Variants in CA1 observed in about 807,000 individuals in gnomAD.
The protein encoded by CA1 is carbonate dehydratase I.
In CA1, 27 loss-of-function variants were observed where a neutral mutation model predicts 28.8. The observed-to-expected ratio is 0.94, with a 90% confidence interval of 0.69 to 1.29. CA1 has a LOEUF of 1.29. Ranked by LOEUF, CA1 falls within the 50% of genes most tolerant of loss-of-function variation. The probability of loss-of-function intolerance (pLI) is 0.00; values close to 1 mark genes in which losing one functional copy is unlikely to be tolerated. For synonymous variants in CA1, 121 were observed against 108.8 expected, an observed-to-expected ratio of 1.11 and a Z score of -0.70; for missense variants, 335 against 310.5, an observed-to-expected ratio of 1.08 and a Z score of -0.59.
intron 6 of CA1, among the ~76,000 whole-genome samples, chr8:85,331,450 AATTT>A (rs57623488): frequency 3.3e-5 from 5 of 150,802 alleles, no homozygotes; most frequent in Admixed American, 2.0e-4. Flanking sequence ...TTCTTTTCAA[AATTT>A]ATTTATTTAT....
At chr8:85,338,632 T>TTTCTTTC (rs1808766644) in intron 2 of CA1, among the ~76,000 whole-genome samples, 183 bp from the exon 3 acceptor site, 2 of 131,574 alleles carry the variant, frequency 1.5e-5, no homozygotes, top group African/African-American at 5.9e-5. Flanking sequence ...CTTTCCTTCT[T>TTTCTTTC]TTTCTTTCTT....
chr8:85,328,026 AT>A lies in CA1; in HGVS notation c.*533del, dbSNP rs1207137165. The A allele has an allele frequency of 6.5e-6, 1 of 153,182 alleles. No homozygotes were observed. Among genetic ancestry groups the A allele is most frequent in the Non-Finnish European group, 1.5e-5 (1 of 68,780 alleles). 9.5% of individuals were successfully genotyped at this position (153,182 alleles called of 1,614,324 possible). On this transcript the variant is annotated 3_prime_UTR_variant, in exon 8 of 8. Transcript: ENST00000523022. Reference sequence around the variant, plus strand: ...CAAATGGTAGCAATGTTGGGCCAGCATAACGATATTAAATCCAGTGGTCATC... The same window carrying A: ...CAAATGGTAGCAATGTTGGGCCAGCAAACGATATTAAATCCAGTGGTCATC...
Position 85,328,670 on chromosome 8 carries a change from G to T in CA1, c.676C>A (p.Gln226Lys), listed in dbSNP as rs762656239. 1.6e-5 allele frequency: 26 copies of T among 1,593,472 alleles called. No homozygotes were observed. Among genetic ancestry groups the T allele is most frequent in the Non-Finnish European group, 2.1e-5 (25 of 1,163,104 alleles). ...ACATTTGATAGAAGGCTGCGGAATT[G>T]TGCCAGCTAGAAGGATAAAATATTT... is the stretch of plus-strand genomic sequence containing the variant. Reference protein sequence around the residue: ...SISVSSEQLAQFRSLLSNVEG... With the variant: ...SISVSSEQLAKFRSLLSNVEG... The change falls in exon 8 of 8, where the codon CAA (glutamine) becomes AAA (lysine). Residue 226 changes from glutamine (Q) to lysine (K), a missense_variant. Physicochemically the swap from Gln to Lys is moderately conservative, Grantham distance 53 (BLOSUM62 1). Transcript: ENST00000523022.
intron 1 of CA1, among the ~76,000 whole-genome samples, chr8:85,357,292 G>T (rs972303015): frequency 6.6e-6 from 1 of 152,160 alleles, no homozygotes; most frequent in African/African-American, 2.4e-5. Flanking sequence ...TCAACACAAA[G>T]GCAACGTGTC....
chr8:85,339,304 A>G (rs1808817265), intron 2 of CA1, among the ~76,000 whole-genome samples: 1 of 152,162 alleles, frequency 6.6e-6, no homozygotes, highest in African/African-American at 2.4e-5. Flanking sequence ...AATTCTCACA[A>G]TATTTTAAAC....
intron 1 of CA1, among the ~76,000 whole-genome samples, chr8:85,344,442 T>C (rs1444268953): frequency 2.0e-5 from 3 of 149,648 alleles, no homozygotes; most frequent in African/African-American, 7.3e-5. Context: ...TATTTTTTAG[T>C]ACCCTAAAAT....
At chr8:85,366,644 T>C (rs1585965453) in intron 1 of CA1, among the ~76,000 whole-genome samples, 1 of 151,988 alleles carries the variant, frequency 6.6e-6, no homozygotes, top group East Asian at 1.9e-4. Context: ...TTAACAAGAG[T>C]AATTGGAAAT....
In CA1 at chr8:85,328,677, C is replaced by A. The variant is rs1250379642; in HGVS notation, c.670-1G>T. 1.3e-6 allele frequency: 2 copies of A among 1,571,548 alleles called. No individual in the cohort carries two copies. Among genetic ancestry groups the A allele is most frequent in the Non-Finnish European group, 8.7e-7 (1 of 1,143,686 alleles). On this transcript the variant is annotated splice_acceptor_variant, in intron 7 of 7. Coordinates refer to ENST00000523022, the MANE Select transcript of CA1 (RefSeq NM_001128831.4). LOFTEE classifies it high-confidence loss of function. ...ATAGAAGGCTGCGGAATTGTGCCAG[C>A]TAGAAGGATAAAATATTTTAAAAAT...
chr8:85,338,095 G>T, intron 3 of CA1, 157 bp downstream of exon 3: 1 of 754,138 alleles, frequency 1.3e-6, no homozygotes. Flanking sequence ...TTACCACCTG[G>T]GCGTTTTCCA....
intron 1 of CA1, among the ~76,000 whole-genome samples, chr8:85,371,146 G>A (rs1810209037): frequency 6.6e-6 from 1 of 152,094 alleles, no homozygotes; most frequent in Non-Finnish European, 1.5e-5. Context: ...CAACTCCAAT[G>A]ACTCTTCATC....
intron 4 of CA1, among the ~76,000 whole-genome samples, chr8:85,335,533 C>A (rs910941281): frequency 2.6e-5 from 4 of 152,140 alleles, no homozygotes; most frequent in African/African-American, 9.7e-5. Flanking sequence ...TACTTGCATT[C>A]TTAAGCAACA....
At chr8:85,365,630 A>T (rs149538792) in intron 1 of CA1, among the ~76,000 whole-genome samples, 5 of 152,346 alleles carry the variant, frequency 3.3e-5, no homozygotes, top group Admixed American at 6.5e-5. Flanking sequence ...AAATTTATAA[A>T]TGGTTGATTC....
At chr8:85,354,263 C>T (rs1345663456) in intron 1 of CA1, among the ~76,000 whole-genome samples, 1 of 150,536 alleles carries the variant, frequency 6.6e-6, no homozygotes, top group Non-Finnish European at 1.5e-5. Context: ...GTGTGAGCTA[C>T]TGTGCCTGGC....
chr8:85,352,929 A>G (rs561577889), intron 1 of CA1, among the ~76,000 whole-genome samples: 87 of 152,236 alleles, frequency 5.7e-4, no homozygotes, highest in Non-Finnish European at 1.0e-3. Flanking sequence ...ACACCATCCT[A>G]TTCCATGATC....
chr8:85,366,000 G>A (rs1238652728), intron 1 of CA1, among the ~76,000 whole-genome samples: 1 of 152,112 alleles, frequency 6.6e-6, no homozygotes, highest in Non-Finnish European at 1.5e-5. Context: ...CCCAGTAGAT[G>A]TCTCTCAGTC....
chr8:85,355,549 CTTT>C (rs11353842), intron 1 of CA1, among the ~76,000 whole-genome samples: 24 of 108,696 alleles, frequency 2.2e-4, no homozygotes, highest in African/African-American at 6.3e-4. Flanking sequence ...TGTCTAGTTC[CTTT>C]TTTTTTTTTT....
At chr8:85,330,135 T>G (rs1004041686) in intron 6 of CA1, among the ~76,000 whole-genome samples, 12 of 152,174 alleles carry the variant, frequency 7.9e-5, no homozygotes, top group Admixed American at 3.9e-4. Context: ...TTTTACAATC[T>G]ATATCTTTAA....
At chr8:85,332,638 A>T (rs1808457269) in intron 5 of CA1, 86 bp from the exon 6 acceptor site, 1 of 938,302 alleles carries the variant, frequency 1.1e-6, no homozygotes, top group African/African-American at 1.6e-5. Flanking sequence ...TTTTTCAATT[A>T]ACAACTGACA....
Position 85,367,118 on chromosome 8 carries a change from T to TA in CA1, c.-25+10927dup, listed in dbSNP as rs201916130. ...ATAGAATTTAAAAATTAAAATTTTT[T>TA]AAAAATTAAAATTATTCTTGCCTTA... On this transcript the variant is annotated intron_variant, in intron 1 of 7. Transcript: ENST00000523022. 5.9e-3 allele frequency among the ~76,000 whole-genome samples: 901 copies of TA among 152,110 alleles called. 10 individuals are homozygous for TA. Among genetic ancestry groups the TA allele is most frequent in the African/African-American group, 0.02 (842 of 41,554 alleles).
Sources: allele counts gnomAD v4.1 joint callset (sites outside exome capture counted in the v4.1 genomes callset), GRCh38; gene constraint gnomAD v4.1.1; transcripts MANE v1.5; gene names NCBI Gene and HGNC (gene_info 2026-07-23, HGNC 2026-07-21).